NCOA7: variants seen among roughly 807,000 people sequenced by gnomAD.
The protein encoded by NCOA7 is 140 kDa estrogen receptor-associated protein.
A neutral mutation model predicts 104.3 loss-of-function variants in NCOA7; 45 were observed. That is an observed-to-expected ratio of 0.43 (90% confidence interval 0.34 to 0.55). The LOEUF is 0.55. NCOA7 is among the 20% of genes least tolerant of loss of function. The probability of loss-of-function intolerance (pLI) is 0.02; values close to 1 mark genes in which losing one functional copy is unlikely to be tolerated. For missense variants in NCOA7, 1,041 were observed against 1,119.7 expected (o/e 0.93, Z 1.00); for synonymous variants, 398 against 402.3 (o/e 0.99, Z 0.13).
intron 8 of NCOA7, among the ~76,000 whole-genome samples, 162 bp from the exon 9 acceptor site, chr6:125,888,777 T>G (rs1278434992): frequency 2.0e-5 from 3 of 152,222 alleles, no homozygotes; most frequent in Non-Finnish European, 4.4e-5. Flanking sequence ...TTTCTTGATT[T>G]TATTTTTTTA....
At chr6:125,846,302 A>G (rs1317846469) in intron 2 of NCOA7, among the ~76,000 whole-genome samples, 1 of 152,122 alleles carries the variant, frequency 6.6e-6, no homozygotes, top group Non-Finnish European at 1.5e-5. Context: ...CTTAGAAAAA[A>G]CATAGGGAAG....
intron 11 of NCOA7, among the ~76,000 whole-genome samples, chr6:125,920,421 T>C (rs1035469687): frequency 1.3e-5 from 2 of 152,256 alleles, no homozygotes; most frequent in African/African-American, 4.8e-5. Context: ...ATTAGTCCTT[T>C]AACAATTCAG....
chr6:125,885,757 A>C (rs1165689319), intron 8 of NCOA7, among the ~76,000 whole-genome samples: 1 of 152,214 alleles, frequency 6.6e-6, no homozygotes, highest in Non-Finnish European at 1.5e-5. Context: ...TAGGAAAAGC[A>C]GTCTCCCTGA....
intron 2 of NCOA7, among the ~76,000 whole-genome samples, chr6:125,841,329 T>C (rs1780152950): frequency 6.6e-6 from 1 of 152,204 alleles, no homozygotes; most frequent in African/African-American, 2.4e-5. Flanking sequence ...AGGTGTGTCA[T>C]AGGCTATTCT....
chr6:125,796,369 C>T (rs1406388387), intron 1 of NCOA7, among the ~76,000 whole-genome samples: 6 of 40 alleles, frequency 0.15, no homozygotes, highest in Non-Finnish European at 0.27. Flanking sequence ...AGTAGTCCCT[C>T]AGTATCGTGC....
At chr6:125,825,553 T>G (rs1690066610) in intron 2 of NCOA7, among the ~76,000 whole-genome samples, 1 of 152,346 alleles carries the variant, frequency 6.6e-6, no homozygotes, top group South Asian at 2.1e-4. Context: ...GAGCTTTGGT[T>G]TTAGAAGTTA....
chr6:125,880,028 T>C (rs533399629), intron 5 of NCOA7, among the ~76,000 whole-genome samples: 3 of 152,088 alleles, frequency 2.0e-5, no homozygotes, highest in Non-Finnish European at 2.9e-5. Flanking sequence ...AGATTATATT[T>C]GATACATGCC....
intron 2 of NCOA7, among the ~76,000 whole-genome samples, chr6:125,839,243 A>G (rs1779897950): frequency 6.6e-6 from 1 of 151,976 alleles, no homozygotes; most frequent in African/African-American, 2.4e-5. Context: ...TCAGCCTCCC[A>G]AGTAGCTGGG....
At chr6:125,821,053 A>C (rs924052762) in intron 2 of NCOA7, among the ~76,000 whole-genome samples, 1 of 152,122 alleles carries the variant, frequency 6.6e-6, no homozygotes, top group Admixed American at 6.5e-5. Context: ...CCGTCATGTC[A>C]AGCGGCGTGC....
chr6:125,860,751 G>A (rs956179470), intron 3 of NCOA7, among the ~76,000 whole-genome samples: 1 of 152,178 alleles, frequency 6.6e-6, no homozygotes, highest in Non-Finnish European at 1.5e-5. Flanking sequence ...TTACAAATAT[G>A]GGTAACATTT....
chr6:125,906,851 AT>A (rs1786056585), intron 10 of NCOA7, among the ~76,000 whole-genome samples: 2 of 152,236 alleles, frequency 1.3e-5, no homozygotes, highest in Admixed American at 1.3e-4. Flanking sequence ...TGAAAAGAAC[AT>A]TCCAATAATT....
At chr6:125,801,468 A>G (rs947127007) in intron 1 of NCOA7, among the ~76,000 whole-genome samples, 2 of 152,188 alleles carry the variant, frequency 1.3e-5, no homozygotes, top group Admixed American at 6.5e-5. Flanking sequence ...TGCAACAGTG[A>G]TAGTGTATAA....
At chr6:125,875,113 T>G (rs984157191) in intron 4 of NCOA7, 145 bp downstream of exon 4, 1 of 544,542 alleles carries the variant, frequency 1.8e-6, no homozygotes, top group East Asian at 2.9e-5. Flanking sequence ...TTTAGGTCAT[T>G]TCTTTTTCCT....
intron 11 of NCOA7, 109 bp downstream of exon 11, chr6:125,915,589 CTATGAAA>C: frequency 7.5e-7 from 1 of 1,331,538 alleles, no homozygotes; most frequent in South Asian, 1.3e-5. Flanking sequence ...CCCTGTGCAC[CTATGAAA>C]TTACAGAGGA....
intron 2 of NCOA7, among the ~76,000 whole-genome samples, chr6:125,824,820 G>C (rs475260): frequency 0.59 from 89,003 of 151,832 alleles, 29,780 homozygotes; most frequent in East Asian, 0.86. Flanking sequence ...GTGCAGTGGC[G>C]TGATCTCGGC....
intron 3 of NCOA7, among the ~76,000 whole-genome samples, chr6:125,869,840 C>T (rs1297682058): frequency 6.6e-6 from 1 of 152,238 alleles, no homozygotes; most frequent in Non-Finnish European, 1.5e-5. Flanking sequence ...CTCCCCTACT[C>T]TCCCTCCAGA....
intron 9 of NCOA7, 42 bp from the exon 10 acceptor site, chr6:125,890,600 T>A: frequency 6.4e-7 from 1 of 1,557,084 alleles, no homozygotes; most frequent in African/African-American, 1.4e-5. Flanking sequence ...CTATTACCAA[T>A]ATTGTCAATA....
rs767010572 is a variant in NCOA7 at position 125,928,681 on chromosome 6, A to G, written c.2739A>G (p.Arg913=). The change falls in exon 16 of 16, where the codon CGA becomes CGG. Residue 913 remains arginine (R), a synonymous_variant. Coordinates refer to ENST00000392477, the MANE Select transcript of NCOA7 (RefSeq NM_181782.5). The part of the protein sequence containing the change: ...LWLDADLYHG[R]SNSCSTFNND... Reference sequence around the variant, plus strand: ...TAGATGCTGATTTATACCACGGACGAAGCAACTCTTGCAGCACTTTCAATA... The same window carrying G: ...TAGATGCTGATTTATACCACGGACGGAGCAACTCTTGCAGCACTTTCAATA... The G allele has an allele frequency of 2.3e-5, 37 of 1,613,766 alleles. No individual in the cohort carries two copies. The highest frequency in any genetic ancestry group is 1.8e-5 in the Non-Finnish European group (21 of 1,179,970).
chr6:125,788,734 C>CGGTTTCACCATGTT (rs1288340960), upstream of NCOA7, among the ~76,000 whole-genome samples: 3 of 133,336 alleles, frequency 2.2e-5, no homozygotes, highest in Non-Finnish European at 4.7e-5. Flanking sequence ...AGTAGAGATG[C>CGGTTTCACCATGTT]GGTTTCACCA....
Sources: gnomAD v4.1 joint callset for allele counts (sites outside exome capture counted in the v4.1 genomes callset) on GRCh38, gnomAD v4.1.1 for gene constraint, MANE v1.5 for transcripts, NCBI Gene and HGNC (gene_info 2026-07-23, HGNC 2026-07-21) for gene names.